RGS6: variants seen among roughly 807,000 people sequenced by gnomAD.
RGS6 encodes regulator of G protein signaling 6.
RGS6 carries 30 observed loss-of-function variants against 78.5 expected under a neutral mutation model. That is an observed-to-expected ratio of 0.38 (90% CI 0.29 to 0.52). The LOEUF is 0.52. Ranked by LOEUF, RGS6 falls within the 20% of genes least tolerant of loss-of-function variation. The probability of loss-of-function intolerance (pLI) is 0.85; values close to 1 mark genes in which losing one functional copy is unlikely to be tolerated. For synonymous variants in RGS6, 206 were observed against 206.0 expected (o/e 1.00, Z 0.00); for missense variants, 495 against 609.7 (o/e 0.81, Z 1.98).
the RGS6 span, among the ~76,000 whole-genome samples, chr14:71,902,770 G>A: frequency 3.2e-3 from 489 of 151,924 alleles, 2 homozygotes; most frequent in Non-Finnish European, 5.2e-3. Context: ...GAGGCATATC[G>A]ATCCTTCACC....
chr14:71,936,493 G>A lies in RGS6; in HGVS notation c.-21+3552G>A, dbSNP rs145969012. ...CTCTGTATCTCTCAATGCAATCAAG[G>A]TGACACTCAGTATTAACCATCAAAA... On this transcript the variant is annotated intron_variant, in intron 1 of 17. Transcript: ENST00000553525. Among the ~76,000 whole-genome samples the A allele has an allele frequency of 7.4e-4, 113 of 152,108 alleles. 1 individual carries two copies. In the East Asian group the frequency reaches 0.016, roughly 22 times the overall value.
chr14:72,441,952 A>G (rs1471702533), intron 3 of RGS6, among the ~76,000 whole-genome samples: 1 of 152,214 alleles, frequency 6.6e-6, no homozygotes, highest in African/African-American at 2.4e-5. Flanking sequence ...GGCAGCCTGC[A>G]GGAAAGGTGC....
At chr14:72,258,535 C>T (rs942256751) in intron 2 of RGS6, among the ~76,000 whole-genome samples, 1 of 152,154 alleles carries the variant, frequency 6.6e-6, no homozygotes, top group Non-Finnish European at 1.5e-5. Flanking sequence ...GTCTGGGTTG[C>T]GTCTGAATTT....
chr14:72,046,350 T>G (rs1352103935), intron 2 of RGS6, among the ~76,000 whole-genome samples: 1 of 152,218 alleles, frequency 6.6e-6, no homozygotes, highest in Non-Finnish European at 1.5e-5. Flanking sequence ...TTTAATCTTA[T>G]GTTTGGCAGC....
At chr14:72,003,893 G>A (rs980667344) in intron 2 of RGS6, among the ~76,000 whole-genome samples, 2 of 152,152 alleles carry the variant, frequency 1.3e-5, no homozygotes, top group African/African-American at 4.8e-5. Flanking sequence ...CGGCGCATGA[G>A]CTTGGACAAA....
At chr14:72,394,396 G>A (rs1039826269) in intron 3 of RGS6, among the ~76,000 whole-genome samples, 6 of 152,046 alleles carry the variant, frequency 3.9e-5, no homozygotes, top group African/African-American at 9.7e-5. Flanking sequence ...TCACAGGCCC[G>A]GGGCGAAATT....
intron 2 of RGS6, among the ~76,000 whole-genome samples, chr14:72,165,600 T>C (rs553577715): frequency 6.6e-6 from 1 of 152,354 alleles, no homozygotes; most frequent in African/African-American, 2.4e-5. Flanking sequence ...TACAGTTTGC[T>C]TTGTGCTTGG....
chr14:71,969,825 A>T (rs2093703393), intron 2 of RGS6, among the ~76,000 whole-genome samples: 1 of 152,244 alleles, frequency 6.6e-6, no homozygotes, highest in Non-Finnish European at 1.5e-5. Flanking sequence ...ACCTTTCTGC[A>T]ATGATTTCAA....
chr14:72,396,903 T>C (rs1005311666), intron 3 of RGS6, among the ~76,000 whole-genome samples: 4 of 152,254 alleles, frequency 2.6e-5, no homozygotes, highest in African/African-American at 9.6e-5. Context: ...CATTGGTCTA[T>C]ATCTCTGTTT....
At chr14:71,982,021 A>G (rs1052642499) in intron 2 of RGS6, among the ~76,000 whole-genome samples, 42 of 151,786 alleles carry the variant, frequency 2.8e-4, no homozygotes, top group African/African-American at 9.4e-4. Context: ...GGAAAAGCGC[A>G]GTATTCGGGT....
intron 2 of RGS6, among the ~76,000 whole-genome samples, chr14:72,294,965 T>A (rs983224762): frequency 2.0e-5 from 3 of 152,280 alleles, no homozygotes; most frequent in Middle Eastern, 3.4e-3. Context: ...AGGAGGAAAC[T>A]TGGTATGCTT....
chr14:71,951,170 A>G (rs947275491), intron 1 of RGS6, among the ~76,000 whole-genome samples: 1 of 152,216 alleles, frequency 6.6e-6, no homozygotes, highest in East Asian at 1.9e-4. Flanking sequence ...ATACCCATCA[A>G]TAATAGACTG....
At chr14:71,942,227 G>A (rs1402346122) in intron 1 of RGS6, among the ~76,000 whole-genome samples, 1 of 152,126 alleles carries the variant, frequency 6.6e-6, no homozygotes, top group Non-Finnish European at 1.5e-5. Context: ...AACCTAATGA[G>A]TTACATTAAA....
chr14:72,298,449 TTTTTTTCCC>T (rs1479420160), intron 2 of RGS6, among the ~76,000 whole-genome samples: 4,930 of 86,810 alleles, frequency 0.057, 260 homozygotes, highest in African/African-American at 0.28. Context: ...TTTTTTTTTT[TTTTTTTCCC>T]CCCCTCTGAG....
intron 2 of RGS6, among the ~76,000 whole-genome samples, chr14:72,333,616 T>C (rs1334615575): frequency 6.6e-6 from 1 of 152,234 alleles, no homozygotes; most frequent in African/African-American, 2.4e-5. Context: ...AGAATCTGTG[T>C]ATTGTCTTTT....
intron 3 of RGS6, among the ~76,000 whole-genome samples, chr14:72,370,723 AATTT>A (rs1419472276): frequency 6.6e-6 from 1 of 152,168 alleles, no homozygotes; most frequent in Non-Finnish European, 1.5e-5. Flanking sequence ...TTGAAAAAAA[AATTT>A]TTTAACATCA....
chr14:72,046,290 CCT>C (rs1303307517), intron 2 of RGS6, among the ~76,000 whole-genome samples: 7 of 151,216 alleles, frequency 4.6e-5, no homozygotes, highest in Non-Finnish European at 7.4e-5. Context: ...CATACACACA[CCT>C]CTCATTTTAT....
At chr14:72,208,601 C>T (rs181793596) in intron 2 of RGS6, among the ~76,000 whole-genome samples, 1 of 152,248 alleles carries the variant, frequency 6.6e-6, no homozygotes, top group Admixed American at 6.5e-5. Context: ...TTTGTATCTC[C>T]AGCTTCCAAC....
intron 17 of RGS6, among the ~76,000 whole-genome samples, chr14:72,560,728 T>A (rs2097661248): frequency 6.6e-6 from 1 of 152,106 alleles, no homozygotes; most frequent in Admixed American, 6.5e-5. Context: ...TATAAATGTA[T>A]CCTGCTGCAG....
Sources: allele counts gnomAD v4.1 joint callset (sites outside exome capture counted in the v4.1 genomes callset), GRCh38; gene constraint gnomAD v4.1.1; transcripts MANE v1.5; gene names NCBI Gene and HGNC (gene_info 2026-07-23, HGNC 2026-07-21).